The following PLXNC1 variants were observed in gnomAD, a reference collection of about 807,000 sequenced individuals.
PLXNC1 encodes the protein plexin C1.
Under a neutral mutation model 178.2 loss-of-function variants are expected in PLXNC1, and 75 were observed. The ratio of observed to expected loss-of-function variants is 0.42; its 90% CI spans 0.35 to 0.51. The LOEUF (loss-of-function observed/expected upper bound fraction) is 0.51, where lower values mean the gene tolerates loss of function less well. Ranked by LOEUF, PLXNC1 falls within the 20% of genes least tolerant of loss-of-function variation. The probability of loss-of-function intolerance (pLI) is 0.02; values close to 1 mark genes in which losing one functional copy is unlikely to be tolerated. For missense variants in PLXNC1, 1,503 were observed against 1,984.4 expected, an observed-to-expected ratio of 0.76 and a Z score of 4.61; for synonymous variants, 790 against 779.9, an observed-to-expected ratio of 1.01 and a Z score of -0.22.
chr12:94,189,705 A>G (rs938183491), intron 4 of PLXNC1, among the ~76,000 whole-genome samples: 1 of 151,626 alleles, frequency 6.6e-6, no homozygotes, highest in Non-Finnish European at 1.5e-5. Context: ...TGTTGGAACT[A>G]GAGAATTGGA....
chr12:94,232,288 C>A (rs1351054756), intron 9 of PLXNC1, among the ~76,000 whole-genome samples: 1 of 152,140 alleles, frequency 6.6e-6, no homozygotes, highest in Non-Finnish European at 1.5e-5. Flanking sequence ...AGGGTTTCAC[C>A]ATGTTGGCCA....
chr12:94,204,606 G>C (rs1213589846), intron 4 of PLXNC1, among the ~76,000 whole-genome samples: 1 of 152,156 alleles, frequency 6.6e-6, no homozygotes. Context: ...TTGAAGTTTA[G>C]TTTGTCACAG....
At chr12:94,180,336 C>T (rs970892340) in intron 2 of PLXNC1, among the ~76,000 whole-genome samples, 2 of 152,204 alleles carry the variant, frequency 1.3e-5, no homozygotes, top group South Asian at 2.1e-4. Flanking sequence ...TAACTCATCT[C>T]CTGCAAGTCT....
intron 1 of PLXNC1, among the ~76,000 whole-genome samples, chr12:94,162,628 G>T (rs1272220702): frequency 1.3e-5 from 2 of 152,144 alleles, no homozygotes; most frequent in African/African-American, 4.8e-5. Context: ...ATGGGCACTT[G>T]GGCTGAATAG....
Position 94,307,041 on chromosome 12 carries a change from G to C in PLXNC1, c.*1756G>C, listed in dbSNP as rs1969102423. 1 of 152,182 alleles carries C rather than the reference G, an allele frequency of 6.6e-6. No homozygotes were observed. The highest frequency in any genetic ancestry group is 1.5e-5 in the Non-Finnish European group (1 of 68,036). 9.4% of individuals were successfully genotyped at this position (152,182 alleles called of 1,614,324 possible). A position where few individuals can be genotyped will look rare whatever the true frequency, so the allele number is the denominator to read the frequency against. On this transcript the variant is annotated 3_prime_UTR_variant, in exon 31 of 31. Transcript: ENST00000258526. The stretch of plus-strand genomic sequence containing the variant: ...CCAAGGGTAGGAGAGTTGCCCAAAA[G>C]ACTTCCCCTACTACTTTAGGGTACT...
At chr12:94,219,907 A>G in intron 5 of PLXNC1, 109 bp from the exon 6 acceptor site, 1 of 871,106 alleles carries the variant, frequency 1.1e-6, no homozygotes, top group Non-Finnish European at 1.7e-6. Context: ...AGCTCTTCTG[A>G]GAAATTCTCC....
intron 11 of PLXNC1, among the ~76,000 whole-genome samples, chr12:94,242,130 C>T (rs1424003778): frequency 6.6e-6 from 1 of 151,868 alleles, no homozygotes; most frequent in Non-Finnish European, 1.5e-5. Context: ...AGTGCCACAG[C>T]GTTTGTGGCT....
At chr12:94,162,197 A>G (rs1961410135) in intron 1 of PLXNC1, among the ~76,000 whole-genome samples, 1 of 152,236 alleles carries the variant, frequency 6.6e-6, no homozygotes, top group Non-Finnish European at 1.5e-5. Context: ...TGTGTCCACG[A>G]GTAGGTGACA....
chr12:94,148,905 C>G lies in PLXNC1; in HGVS notation c.-67C>G. The G allele has an allele frequency of 2.1e-6, 1 of 473,050 alleles. No homozygotes were observed. Among genetic ancestry groups the G allele is most frequent in the South Asian group, 8.8e-5 (1 of 11,426 alleles). The allele number at this position is 473,050 out of a possible 1,614,324, so 29.3% of individuals were successfully genotyped here. A position where few individuals can be genotyped will look rare whatever the true frequency, so the allele number is the denominator to read the frequency against. ...ACCGCCGCCGCCGCCGCCCGCGTCT[C>G]CGTTGCCGCGCGCCTGAGCCGCCGT... is the stretch of plus-strand genomic sequence containing the variant. On this transcript the variant is annotated 5_prime_UTR_variant, in exon 1 of 31. Coordinates refer to ENST00000258526, the MANE Select transcript of PLXNC1 (RefSeq NM_005761.3). The surrounding 1 kb of genome is among the most constrained non-coding windows in gnomAD (Gnocchi z 4.8).
intron 1 of PLXNC1, 139 bp downstream of exon 1, chr12:94,150,172 G>A: frequency 1.4e-6 from 1 of 711,214 alleles, no homozygotes; most frequent in Non-Finnish European, 2.2e-6. Context: ...GGTTCACACC[G>A]CGGGCGGCCG....
intron 5 of PLXNC1, among the ~76,000 whole-genome samples, chr12:94,213,395 A>G (rs922342261): frequency 6.6e-6 from 1 of 152,168 alleles, no homozygotes. Context: ...GCATTTCTTT[A>G]ATGACCAGTG....
intron 1 of PLXNC1, among the ~76,000 whole-genome samples, chr12:94,164,081 A>G (rs560351748): frequency 9.1e-4 from 138 of 152,302 alleles, no homozygotes; most frequent in African/African-American, 2.9e-3. Flanking sequence ...CAAGCAGTCT[A>G]TAAGGCACAG....
intron 6 of PLXNC1, among the ~76,000 whole-genome samples, chr12:94,222,446 A>G (rs1352586207): frequency 1.3e-5 from 2 of 151,918 alleles, no homozygotes; most frequent in African/African-American, 2.4e-5. Context: ...CATTGGAGAA[A>G]AGTCACCTCT....
At chr12:94,189,286 A>G (rs560180406) in intron 4 of PLXNC1, among the ~76,000 whole-genome samples, 1 of 152,332 alleles carries the variant, frequency 6.6e-6, no homozygotes, top group South Asian at 2.1e-4. Flanking sequence ...TGATTCATAT[A>G]ATGATGGCAC....
At position 94,297,201 on chromosome 12, in the gene PLXNC1, C is replaced by T. The variant is rs1360830855; in HGVS notation, c.3947C>T (p.Ser1316Leu). 14 of 1,613,874 alleles carry T rather than the reference C, an allele frequency of 8.7e-6. 2 individuals are homozygous for T. The highest frequency in any genetic ancestry group is 5.5e-5 in the South Asian group (5 of 91,072). The change falls in exon 25 of 31, where the codon TCG becomes TTG. Residue 1316 changes from serine (S) to leucine (L), a missense_variant. Transcript: ENST00000258526. ...IANFTSDVEY[S>L]DDHCHLILPD... is the part of the protein sequence containing the mutation. ...CTCTGGCATTCAGATGTGGAGTACT[C>T]GGATGACCACTGCCATTTGGTGAGT...
intron 27 of PLXNC1, among the ~76,000 whole-genome samples, chr12:94,299,918 GCC>G (rs1167250117): frequency 6.6e-5 from 10 of 152,094 alleles, no homozygotes; most frequent in African/African-American, 2.4e-4. Context: ...GGAGCTGAGG[GCC>G]ACCATTCCAC....
In PLXNC1 at chr12:94,170,029, C is replaced by T. The variant is rs181712936; in HGVS notation, c.1203+736C>T. On this transcript the variant is annotated intron_variant, in intron 2 of 30. Coordinates refer to ENST00000258526, the MANE Select transcript of PLXNC1 (RefSeq NM_005761.3). ...TCAGCAAGCATTTATTGAAGACCTT[C>T]TGTGGTCTCCAACAACATTCCTGGT... is the stretch of plus-strand genomic sequence containing the variant. Among the ~76,000 whole-genome samples, 242 of 152,356 alleles carry T rather than the reference C, an allele frequency of 1.6e-3. 2 individuals carry two copies. The highest frequency in any genetic ancestry group is 5.4e-3 in the African/African-American group (226 of 41,580).
intron 5 of PLXNC1, among the ~76,000 whole-genome samples, chr12:94,214,512 T>C (rs1014905741): frequency 6.6e-6 from 1 of 152,254 alleles, no homozygotes; most frequent in Admixed American, 6.5e-5. Flanking sequence ...AATTATTATT[T>C]GAATTAAATA....
At chr12:94,212,273 CAAAAAAAAAA>C (rs146191533) in intron 5 of PLXNC1, among the ~76,000 whole-genome samples, 52 of 89,138 alleles carry the variant, frequency 5.8e-4, no homozygotes, top group Non-Finnish European at 7.6e-4. Flanking sequence ...GACTCCGTCT[CAAAAAAAAAA>C]AAAAAAAAAA....
Sources: gnomAD v4.1 joint callset for allele counts (sites outside exome capture counted in the v4.1 genomes callset) on GRCh38, gnomAD v4.1.1 for gene constraint, Gnocchi (gnomAD v3.1) non-coding constraint, MANE v1.5 for transcripts, NCBI Gene and HGNC (gene_info 2026-07-23, HGNC 2026-07-21) for gene names.